Variants in GPC6 observed in about 807,000 individuals in gnomAD.
GPC6 encodes glypican 6.
In GPC6, 14 loss-of-function variants were observed where a neutral mutation model predicts 55.2. The ratio of observed to expected loss-of-function variants is 0.25; its 90% CI spans 0.17 to 0.40. GPC6 has a LOEUF of 0.40. GPC6 is among the 10% of genes least tolerant of loss of function. The pLI, the probability that GPC6 is intolerant of heterozygous loss-of-function variation, is 1.00. For missense variants in GPC6, 641 were observed against 708.5 expected (o/e 0.90, Z 1.08); for synonymous variants, 278 against 259.6 (o/e 1.07, Z -0.68).
At chr13:94,110,932 G>C (rs555084422) in intron 4 of GPC6, among the ~76,000 whole-genome samples, 1 of 151,998 alleles carries the variant, frequency 6.6e-6, no homozygotes, top group African/African-American at 2.4e-5. Flanking sequence ...TTATTTGATA[G>C]TGCTGACTTG....
At chr13:93,847,965 G>T (rs1456362271) in intron 3 of GPC6, among the ~76,000 whole-genome samples, 1 of 152,052 alleles carries the variant, frequency 6.6e-6, no homozygotes, top group African/African-American at 2.4e-5. Context: ...ATATGTACAT[G>T]GATTTATTGT....
chr13:94,385,864 G>A (rs936008628), intron 7 of GPC6, among the ~76,000 whole-genome samples: 1 of 151,976 alleles, frequency 6.6e-6, no homozygotes, highest in Non-Finnish European at 1.5e-5. Context: ...TCACACTTTT[G>A]AATTATGAGT....
At chr13:93,270,634 CT>C (rs1329551514) in intron 1 of GPC6, among the ~76,000 whole-genome samples, 15 of 150,542 alleles carry the variant, frequency 1.0e-4, no homozygotes, top group Admixed American at 9.3e-4. Flanking sequence ...CCTCTTCTGC[CT>C]TTTATACCAG....
chr13:93,660,803 G>A (rs1289365914), intron 2 of GPC6, among the ~76,000 whole-genome samples: 1 of 152,124 alleles, frequency 6.6e-6, no homozygotes, highest in Non-Finnish European at 1.5e-5. Context: ...ATTTACACTG[G>A]ATCTTTAGAA....
At chr13:93,650,139 AT>A (rs980608982) in intron 2 of GPC6, among the ~76,000 whole-genome samples, 211 of 151,540 alleles carry the variant, frequency 1.4e-3, no homozygotes, top group African/African-American at 4.9e-3. Context: ...AATAATCTAC[AT>A]TTTTTTTTCT....
intron 4 of GPC6, among the ~76,000 whole-genome samples, chr13:94,137,132 T>A (rs997671941): frequency 6.6e-6 from 1 of 152,166 alleles, no homozygotes; most frequent in Non-Finnish European, 1.5e-5. Flanking sequence ...ACTGAGGAGT[T>A]AGAGAAATTT....
intron 2 of GPC6, among the ~76,000 whole-genome samples, chr13:93,561,526 C>G (rs1875806018): frequency 6.6e-6 from 1 of 151,348 alleles, no homozygotes; most frequent in Non-Finnish European, 1.5e-5. Flanking sequence ...TTCACATCCG[C>G]TAATAGGGCT....
intron 4 of GPC6, among the ~76,000 whole-genome samples, chr13:94,079,449 C>A: frequency 6.6e-6 from 1 of 152,034 alleles, no homozygotes; most frequent in East Asian, 1.9e-4. Context: ...CTAATAGATC[C>A]ATATTGAAGG....
At chr13:93,962,217 A>G (rs182188400) in intron 3 of GPC6, among the ~76,000 whole-genome samples, 1 of 152,304 alleles carries the variant, frequency 6.6e-6, no homozygotes, top group Admixed American at 6.5e-5. Context: ...CAGGGCTGAC[A>G]GTCCAACTTC....
chr13:93,440,726 G>T (rs377086200), intron 1 of GPC6, among the ~76,000 whole-genome samples: 2 of 151,564 alleles, frequency 1.3e-5, no homozygotes, highest in East Asian at 3.9e-4. Context: ...TTAAGTTCTA[G>T]GGTACATGTG....
intron 1 of GPC6, chr13:93,395,124 CA>C (rs1267319792): frequency 4.1e-6 from 1 of 244,680 alleles, no homozygotes; most frequent in Non-Finnish European, 8.2e-6. Context: ...CCATCATTAC[CA>C]AATCCATAAC....
At chr13:93,944,872 G>A (rs1348951113) in intron 3 of GPC6, among the ~76,000 whole-genome samples, 3 of 152,120 alleles carry the variant, frequency 2.0e-5, no homozygotes, top group African/African-American at 2.4e-5. Context: ...AGTTATCATC[G>A]ATGGGGACAC....
At chr13:93,480,973 G>T (rs1594200659) in intron 1 of GPC6, among the ~76,000 whole-genome samples, 1 of 152,148 alleles carries the variant, frequency 6.6e-6, no homozygotes, top group Non-Finnish European at 1.5e-5. Context: ...CCTAGGAGTG[G>T]ATCGTACGGT....
chr13:93,425,430 AGGCAGACCTCT>A (rs1303302631), intron 1 of GPC6, among the ~76,000 whole-genome samples: 2 of 132,818 alleles, frequency 1.5e-5, no homozygotes, highest in African/African-American at 5.0e-5. Context: ...CCACAACCTA[AGGCAGACCTCT>A]GGGAGCTGGA....
chr13:93,937,008 T>C (rs1878469838), intron 3 of GPC6, among the ~76,000 whole-genome samples: 1 of 152,106 alleles, frequency 6.6e-6, no homozygotes, highest in Non-Finnish European at 1.5e-5. Context: ...CAGCACCCGA[T>C]AGAAAGAATG....
At chr13:93,508,480 A>G (rs1880818828) in intron 1 of GPC6, among the ~76,000 whole-genome samples, 1 of 152,204 alleles carries the variant, frequency 6.6e-6, no homozygotes, top group African/African-American at 2.4e-5. Flanking sequence ...GGCAGAGAAG[A>G]AGCAGAGGCT....
chr13:93,280,926 A>G (rs1877929125), intron 1 of GPC6, among the ~76,000 whole-genome samples: 1 of 152,216 alleles, frequency 6.6e-6, no homozygotes, highest in Admixed American at 6.5e-5. Context: ...CAGCTGGCAG[A>G]GGTCAGGCTG....
At chr13:93,454,737 G>T (rs1396175963) in intron 1 of GPC6, among the ~76,000 whole-genome samples, 1 of 152,202 alleles carries the variant, frequency 6.6e-6, no homozygotes, top group East Asian at 1.9e-4. Flanking sequence ...AGTGGATCCC[G>T]CACCCGGGCT....
chr13:93,386,470 A>T, intron 1 of GPC6, among the ~76,000 whole-genome samples: 1 of 151,488 alleles, frequency 6.6e-6, no homozygotes, highest in East Asian at 1.9e-4. Context: ...CTACACTAAT[A>T]GTGCATAACA....
Sources: allele counts gnomAD v4.1 joint callset (sites outside exome capture counted in the v4.1 genomes callset), GRCh38; gene constraint gnomAD v4.1.1; transcripts MANE v1.5; gene names NCBI Gene and HGNC (gene_info 2026-07-23, HGNC 2026-07-21).